The following ROBO2 variants were observed in gnomAD, a reference collection of about 807,000 sequenced individuals.
ROBO2 encodes the protein roundabout guidance receptor 2, also known as roundabout homolog 2.
ROBO2 carries 53 observed loss-of-function variants against 160.8 expected under a neutral mutation model. That is an observed-to-expected ratio of 0.33 (90% CI 0.26 to 0.41). The LOEUF is 0.41. Among genes scored for constraint, ROBO2 ranks in the 10% least tolerant of loss-of-function variants. ROBO2 has a pLI of 1.00. For missense variants in ROBO2, 1,577 were observed against 1,722.4 expected (o/e 0.92, Z 1.49); for synonymous variants, 664 against 611.7 (o/e 1.09, Z -1.26).
chr3:77,252,831 A>AAAAAAAAAATATATATAT, intron 2 of ROBO2, among the ~76,000 whole-genome samples: 1 of 12,522 alleles, frequency 8.0e-5, no homozygotes, highest in African/African-American at 1.6e-4. Context: ...AAAAAAAAAA[A>AAAAAAAAAATATATATAT]ATATATATAT....
At chr3:77,049,508 C>A (rs895555595) in intron 1 of ROBO2, among the ~76,000 whole-genome samples, 1 of 152,198 alleles carries the variant, frequency 6.6e-6, no homozygotes, top group Non-Finnish European at 1.5e-5. Flanking sequence ...TTATGATTCA[C>A]ATCCACTCTC....
chr3:77,450,728 C>A (rs1041947523), intron 2 of ROBO2, among the ~76,000 whole-genome samples: 9 of 151,982 alleles, frequency 5.9e-5, no homozygotes, highest in African/African-American at 1.9e-4. Context: ...GAAAGACTAA[C>A]GATTTTCTTG....
At chr3:76,034,660 T>A (rs189631716) in intron 2 of ROBO2, among the ~76,000 whole-genome samples, 1 of 152,122 alleles carries the variant, frequency 6.6e-6, no homozygotes, top group Admixed American at 6.5e-5. Context: ...CTACAGTAAC[T>A]TCTTCTTGTC....
intron 2 of ROBO2, among the ~76,000 whole-genome samples, chr3:76,986,623 A>G (rs933237456): frequency 1.3e-5 from 2 of 152,258 alleles, no homozygotes; most frequent in South Asian, 2.1e-4. Flanking sequence ...TTGAAATATT[A>G]TAAAATTAAT....
intron 23 of ROBO2, among the ~76,000 whole-genome samples, chr3:77,626,405 T>C (rs1332815755): frequency 1.3e-5 from 2 of 152,324 alleles, no homozygotes; most frequent in East Asian, 3.9e-4. Flanking sequence ...TTCATTGTAA[T>C]CTATGCTCAT....
At chr3:76,216,522 A>G (rs1032888290) in intron 2 of ROBO2, among the ~76,000 whole-genome samples, 2 of 152,210 alleles carry the variant, frequency 1.3e-5, no homozygotes, top group African/African-American at 4.8e-5. Flanking sequence ...AGTCTCTGAT[A>G]AAACAGACTT....
intron 2 of ROBO2, among the ~76,000 whole-genome samples, chr3:76,880,531 C>A (rs1262759150): frequency 1.3e-5 from 2 of 152,058 alleles, no homozygotes; most frequent in Non-Finnish European, 2.9e-5. Context: ...TAAAACATTT[C>A]ATTTATAACT....
chr3:76,394,538 C>G (rs1406086231), intron 2 of ROBO2, among the ~76,000 whole-genome samples: 2 of 152,104 alleles, frequency 1.3e-5, no homozygotes, highest in East Asian at 3.9e-4. Context: ...ACCTTTCTCT[C>G]TGACTGCCCT....
chr3:76,256,075 G>A (rs1706342050), intron 2 of ROBO2, among the ~76,000 whole-genome samples: 1 of 151,988 alleles, frequency 6.6e-6, no homozygotes, highest in South Asian at 2.1e-4. Context: ...AAGGTAGGAG[G>A]ATCCCTTGAA....
intron 2 of ROBO2, among the ~76,000 whole-genome samples, chr3:76,403,103 A>C (rs116633395): frequency 1.3e-5 from 2 of 151,544 alleles, no homozygotes; most frequent in Non-Finnish European, 3.0e-5. Context: ...AAGAACTGGA[A>C]TATAGTTAAG....
chr3:76,976,757 C>A (rs1396532551), intron 2 of ROBO2, among the ~76,000 whole-genome samples: 1 of 152,092 alleles, frequency 6.6e-6, no homozygotes, highest in Non-Finnish European at 1.5e-5. Context: ...TGAAAACAAA[C>A]CAAACACATT....
At chr3:76,370,567 A>G (rs1481230522) in intron 2 of ROBO2, among the ~76,000 whole-genome samples, 1 of 151,974 alleles carries the variant, frequency 6.6e-6, no homozygotes. Context: ...TAGAAAGTAC[A>G]TACAAAGAAA....
chr3:76,108,995 A>G (rs973087089), intron 2 of ROBO2, among the ~76,000 whole-genome samples: 1 of 151,834 alleles, frequency 6.6e-6, no homozygotes, highest in African/African-American at 2.4e-5. Flanking sequence ...AAGTTTTTCA[A>G]GTATTTCTCT....
intron 2 of ROBO2, among the ~76,000 whole-genome samples, chr3:77,138,850 C>T (rs77520436): frequency 0.013 from 1,984 of 151,844 alleles, 41 homozygotes; most frequent in African/African-American, 0.045. Context: ...GGCTTCCACA[C>T]TTAGGGAGGA....
chr3:77,227,261 C>A (rs1173651168), intron 2 of ROBO2, among the ~76,000 whole-genome samples: 2 of 152,072 alleles, frequency 1.3e-5, no homozygotes, highest in Non-Finnish European at 2.9e-5. Context: ...TGGTCATAAA[C>A]CGCAGTTAAA....
chr3:76,433,313 A>G (rs904279242), intron 2 of ROBO2, among the ~76,000 whole-genome samples: 14 of 152,206 alleles, frequency 9.2e-5, no homozygotes, highest in African/African-American at 3.1e-4. Flanking sequence ...CAGTATGTCC[A>G]GTTGAATATG....
chr3:75,935,369 G>A (rs559185088), intron 1 of ROBO2, among the ~76,000 whole-genome samples: 12 of 152,038 alleles, frequency 7.9e-5, no homozygotes, highest in African/African-American at 2.4e-4. Context: ...AAAATTAGCC[G>A]GGGATGGTGG....
chr3:77,303,744 G>C lies in ROBO2; in HGVS notation c.389-173670G>C, dbSNP rs62251203. On this transcript the variant is annotated intron_variant, in intron 2 of 25. Coordinates refer to ENST00000461745, the Ensembl canonical transcript of ROBO2. Reference sequence around the variant, plus strand: ...ATATACATAAAAATAAAATCATCATGTTGTACATCTTGAATATATTCAATC... The same window carrying C: ...ATATACATAAAAATAAAATCATCATCTTGTACATCTTGAATATATTCAATC... Among the ~76,000 whole-genome samples the C allele has an allele frequency of 4.5e-3, 682 of 151,926 alleles. 3 individuals carry two copies. Among genetic ancestry groups the C allele is most frequent in the Middle Eastern group, 0.014 (4 of 292 alleles).
chr3:77,450,808 A>G (rs1012882200), intron 2 of ROBO2, among the ~76,000 whole-genome samples: 2 of 152,084 alleles, frequency 1.3e-5, no homozygotes, highest in Non-Finnish European at 2.9e-5. Context: ...TAGGTATTGT[A>G]TATGCAGAAT....
Sources: allele counts gnomAD v4.1 joint callset (sites outside exome capture counted in the v4.1 genomes callset), GRCh38; gene constraint gnomAD v4.1.1; transcripts MANE v1.5; gene names NCBI Gene and HGNC (gene_info 2026-07-23, HGNC 2026-07-21).